The following SAMD3 variants were observed in gnomAD, a reference collection of about 807,000 sequenced individuals.
SAMD3 encodes the protein sterile alpha motif domain containing 3.
Under a neutral mutation model 58.5 loss-of-function variants are expected in SAMD3, and 63 were observed. That is an observed-to-expected ratio of 1.08 (90% CI 0.88 to 1.33). The LOEUF is 1.33. SAMD3 is among the 40% of genes most tolerant of loss of function. The pLI is 0.00. For missense variants in SAMD3, 604 were observed against 608.4 expected, an observed-to-expected ratio of 0.99 and a Z score of 0.08; for synonymous variants, 220 against 210.3, an observed-to-expected ratio of 1.05 and a Z score of -0.40.
intron 1 of SAMD3, among the ~76,000 whole-genome samples, chr6:130,328,303 A>G (rs1315088873): frequency 1.3e-5 from 2 of 152,200 alleles, no homozygotes; most frequent in Admixed American, 1.3e-4. Flanking sequence ...TGGCCAAACA[A>G]CAGCTCAGTA....
intron 5 of SAMD3, among the ~76,000 whole-genome samples, chr6:130,193,504 C>T (rs1044119078): frequency 2.0e-4 from 30 of 152,094 alleles, no homozygotes; most frequent in African/African-American, 4.1e-4. Context: ...ACCCCTTTCC[C>T]GCTTTTCTGG....
At chr6:130,258,135 A>G (rs1018062684) in intron 2 of SAMD3, among the ~76,000 whole-genome samples, 1 of 152,146 alleles carries the variant, frequency 6.6e-6, no homozygotes, top group African/African-American at 2.4e-5. Flanking sequence ...ATTATCAATA[A>G]GCTGTTTTGA....
At chr6:130,171,526 G>A (rs1161780110) in intron 8 of SAMD3, among the ~76,000 whole-genome samples, 1 of 152,152 alleles carries the variant, frequency 6.6e-6, no homozygotes, top group Non-Finnish European at 1.5e-5. Context: ...GCAGTTTTCA[G>A]TGAGTTTCTT....
At position 130,274,752 on chromosome 6, in the gene SAMD3, C is replaced by CTTT. The variant is rs202123647; in HGVS notation, c.-188+38223_-188+38225dup. 8.5e-3 allele frequency among the ~76,000 whole-genome samples: 1,228 copies of CTTT among 145,236 alleles called. 15 individuals are homozygous for CTTT. The highest frequency in any genetic ancestry group is 0.028 in the African/African-American group (1,088 of 39,408). The stretch of plus-strand genomic sequence containing the variant: ...GATAAAGGCAGTTTGGCCTAAATAT[C>CTTT]TTTTTTTTTTTTGGTGTTTCTGTTG... On this transcript the variant is annotated intron_variant, in intron 2 of 13. Transcript: ENST00000368134.
At chr6:130,293,125 G>A (rs1052250133) in intron 2 of SAMD3, among the ~76,000 whole-genome samples, 17 of 152,148 alleles carry the variant, frequency 1.1e-4, no homozygotes, top group African/African-American at 3.6e-4. Context: ...TTTGGTTAAC[G>A]GGAACTTGAC....
At chr6:130,281,103 G>T (rs1327546471) in intron 2 of SAMD3, among the ~76,000 whole-genome samples, 5 of 147,070 alleles carry the variant, frequency 3.4e-5, no homozygotes, top group Admixed American at 2.8e-4. Flanking sequence ...ATACTGTAAT[G>T]CAAATTATGT....
intron 1 of SAMD3, among the ~76,000 whole-genome samples, chr6:130,317,612 C>T (rs1307275033): frequency 6.6e-6 from 1 of 152,152 alleles, no homozygotes; most frequent in Admixed American, 6.5e-5. Flanking sequence ...AGATAAATGG[C>T]AGAATAAGTA....
At chr6:130,193,776 C>A (rs1793798259) in intron 5 of SAMD3, among the ~76,000 whole-genome samples, 1 of 152,202 alleles carries the variant, frequency 6.6e-6, no homozygotes, top group African/African-American at 2.4e-5. Context: ...GTTTTCCATC[C>A]TGCAAGATCT....
At chr6:130,288,997 C>T (rs527343554) in intron 2 of SAMD3, among the ~76,000 whole-genome samples, 60 of 152,214 alleles carry the variant, frequency 3.9e-4, no homozygotes, top group Non-Finnish European at 7.8e-4. Flanking sequence ...TCTCTTATTT[C>T]ATGGATTAGA....
chr6:130,284,968 A>T (rs767258424), intron 2 of SAMD3, among the ~76,000 whole-genome samples: 2 of 152,186 alleles, frequency 1.3e-5, no homozygotes. Flanking sequence ...AAAATTCTTT[A>T]TTTGCATCTC....
At chr6:130,310,886 T>C (rs1776127729) in intron 2 of SAMD3, among the ~76,000 whole-genome samples, 2 of 152,204 alleles carry the variant, frequency 1.3e-5, no homozygotes, top group Non-Finnish European at 2.9e-5. Flanking sequence ...CAGCAATATG[T>C]TGGATTTAGT....
intron 1 of SAMD3, among the ~76,000 whole-genome samples, chr6:130,337,305 G>A (rs1583125655): frequency 6.6e-6 from 1 of 152,206 alleles, no homozygotes. Flanking sequence ...ATTAAGACGT[G>A]CCTGCTTCCC....
Position 130,195,784 on chromosome 6 carries a change from A to C in SAMD3, c.384-11161T>G, listed in dbSNP as rs192238556. On this transcript the variant is annotated intron_variant, in intron 5 of 11. Coordinates refer to ENST00000439090, the MANE Select transcript of SAMD3 (RefSeq NM_001017373.4). ...TTACCTGTCTCAGCGTAATTCTTATAAAAACACACGTGCTCTCCCTGCCGA... is the reference window on the plus strand; with the variant it reads ...TTACCTGTCTCAGCGTAATTCTTATCAAAACACACGTGCTCTCCCTGCCGA... Among the ~76,000 whole-genome samples the C allele has an allele frequency of 5.8e-3, 883 of 152,250 alleles. 2 individuals carry two copies. Among genetic ancestry groups the C allele is most frequent in the Middle Eastern group, 0.014 (4 of 294 alleles).
chr6:130,261,532 G>C (rs1774139070), intron 2 of SAMD3, among the ~76,000 whole-genome samples: 1 of 152,062 alleles, frequency 6.6e-6, no homozygotes, highest in Non-Finnish European at 1.5e-5. Flanking sequence ...ATTTTGATTT[G>C]GTGTAAACTG....
chr6:130,156,832 G>C (rs1007390298), intron 8 of SAMD3, among the ~76,000 whole-genome samples: 2 of 152,072 alleles, frequency 1.3e-5, no homozygotes, highest in African/African-American at 4.8e-5. Context: ...ATGTTGGGAG[G>C]CCGAGGCGGG....
chr6:130,178,693 T>G (rs17058465), intron 7 of SAMD3, among the ~76,000 whole-genome samples: 10 of 152,170 alleles, frequency 6.6e-5, no homozygotes, highest in African/African-American at 2.4e-4. Flanking sequence ...TTAATTTTAG[T>G]TTCTTCAACT....
intron 2 of SAMD3, among the ~76,000 whole-genome samples, chr6:130,256,831 A>G (rs1053338278): frequency 5.3e-5 from 8 of 152,246 alleles, no homozygotes; most frequent in African/African-American, 1.7e-4. Context: ...TTAATTTTCT[A>G]TCACTTTGTG....
intron 5 of SAMD3, among the ~76,000 whole-genome samples, chr6:130,207,132 G>C (rs1161891270): frequency 1.4e-5 from 2 of 145,422 alleles, no homozygotes; most frequent in Non-Finnish European, 3.0e-5. Context: ...CTGGGTGATA[G>C]AGAGATGGTG....
intron 2 of SAMD3, among the ~76,000 whole-genome samples, chr6:130,263,404 AAAG>A (rs1298698167): frequency 6.6e-6 from 1 of 152,156 alleles, no homozygotes; most frequent in Non-Finnish European, 1.5e-5. Flanking sequence ...CAAAAGGTGG[AAAG>A]AAGAAAAACT....
Sources: allele counts gnomAD v4.1 joint callset (sites outside exome capture counted in the v4.1 genomes callset), GRCh38; gene constraint gnomAD v4.1.1; transcripts MANE v1.5; gene names NCBI Gene and HGNC (gene_info 2026-07-23, HGNC 2026-07-21).